The following TUBA3D variants were observed in gnomAD, a reference collection of about 807,000 sequenced individuals.
TUBA3D encodes tubulin alpha 3d.
In TUBA3D, 24 loss-of-function variants were observed where a neutral mutation model predicts 36.1. The observed-to-expected ratio is 0.66, with a 90% confidence interval of 0.48 to 0.93. The LOEUF is 0.93. Ranked by LOEUF, TUBA3D falls within the 40% of genes least tolerant of loss-of-function variation. The pLI is 0.00. For synonymous variants in TUBA3D, 185 were observed against 247.2 expected (o/e 0.75, Z 2.36); for missense variants, 356 against 614.5 (o/e 0.58, Z 4.45).
intron 2 of TUBA3D, chr2:131,478,614 G>A: frequency 1.4e-6 from 1 of 724,320 alleles, no homozygotes; most frequent in Non-Finnish European, 2.2e-6. Flanking sequence ...TTTGCCAGCA[G>A]TAAGATGGGC....
Position 131,480,650 on chromosome 2 carries a change from C to T in TUBA3D, c.957C>T (p.Tyr319=), listed in dbSNP as rs1391615031. The change falls in exon 4 of 5, where the codon TAC becomes TAT. Residue 319 remains tyrosine (Y), a synonymous_variant. Coordinates refer to ENST00000321253, the MANE Select transcript of TUBA3D (RefSeq NM_080386.4). ...AGTACATGGCCTGCTGCATGTTGTA[C>T]AGGGGGGACGTGGTCCCCAAAGACG... The part of the protein sequence containing the change: ...HGKYMACCML[Y]RGDVVPKDVN... 1.2e-6 allele frequency: 2 copies of T among 1,613,684 alleles called. No homozygotes were observed. The highest frequency in any genetic ancestry group is 1.7e-6 in the Non-Finnish European group (2 of 1,180,042).
rs183055682 is a variant in TUBA3D at position 131,476,618 on chromosome 2, C to T, written c.3+416C>T. On this transcript the variant is annotated intron_variant, in intron 1 of 4. Coordinates refer to ENST00000321253, the MANE Select transcript of TUBA3D (RefSeq NM_080386.4). ...AGGAATTAAGGCTCAGACGCTGCTG[C>T]AACATTGCCTTGTTCACCTAAAGGC... Among the ~76,000 whole-genome samples, 873 of 152,262 alleles carry T rather than the reference C, an allele frequency of 5.7e-3. 7 individuals are homozygous for T. Among genetic ancestry groups the T allele is most frequent in the African/African-American group, 0.02 (832 of 41,534 alleles).
chr2:131,478,235 C>T lies in TUBA3D; in HGVS notation c.75C>T (p.Cys25=). 7.4e-6 allele frequency: 12 copies of T among 1,614,104 alleles called. No individual in the cohort carries two copies. The highest frequency in any genetic ancestry group is 9.3e-6 in the Non-Finnish European group (11 of 1,179,940). The change falls in exon 2 of 5, where the codon TGC becomes TGT. Residue 25 remains cysteine, a synonymous_variant. Transcript: ENST00000321253. ...GCAATGCCTGCTGGGAACTGTACTG[C>T]CTTGAACATGGAATTCAGCCCGATG... ...QIGNACWELY[C]LEHGIQPDGQ... is the part of the protein sequence containing the mutation.
Position 131,480,744 on chromosome 2 carries a change from T to C in TUBA3D, c.1051T>C (p.Phe351Leu), listed in dbSNP as rs769470730. 9 of 1,609,772 alleles carry C rather than the reference T, an allele frequency of 5.6e-6. No homozygotes were observed. The highest frequency in any genetic ancestry group is 2.7e-5 in the African/African-American group (2 of 74,568). The change falls in exon 4 of 5, where the codon TTT becomes CTT. Residue 351 changes from phenylalanine to leucine, a missense_variant. Physicochemically the swap from Phe to Leu is conservative, Grantham distance 22. This residue lies in a region of TUBA3D where 156 missense variants were observed against 219.8 expected (regional missense o/e 0.71). Coordinates refer to ENST00000321253, the MANE Select transcript of TUBA3D (RefSeq NM_080386.4). ...IQFVDWCPTG[F>L]KVGINYQPPT... ...GTTTGTGGATTGGTGCCCGACTGGA[T>C]TTAAGGTATGACTGGGTGATGTGGA...
In TUBA3D at chr2:131,476,187, A is replaced by G; in HGVS notation, c.-13A>G. ...TCTGGCAGTAGCGTTGGGCTGAAGC[A>G]GCGGAGTTCGCCATGGTAAGGCCCG... On this transcript the variant is annotated 5_prime_UTR_variant, in exon 1 of 5. Transcript: ENST00000321253. 2 of 1,613,972 alleles carry G rather than the reference A, an allele frequency of 1.2e-6. No homozygotes were observed. Among genetic ancestry groups the G allele is most frequent in the Non-Finnish European group, 1.7e-6 (2 of 1,179,986 alleles).
intron 4 of TUBA3D, among the ~76,000 whole-genome samples, chr2:131,481,223 CTCTG>C (rs1264830979): frequency 1.3e-5 from 2 of 151,720 alleles, no homozygotes; most frequent in Non-Finnish European, 2.9e-5. Flanking sequence ...CTTTTGAACT[CTCTG>C]TCTGAGTCAT....
chr2:131,476,328 G>A, intron 1 of TUBA3D, 126 bp downstream of exon 1: 1 of 1,530,174 alleles, frequency 6.5e-7, no homozygotes, highest in Admixed American at 1.8e-5. Context: ...AGGGTCTAGT[G>A]CGGGACAGGA....
intron 4 of TUBA3D, among the ~76,000 whole-genome samples, chr2:131,481,263 T>C (rs1374017860): frequency 6.6e-6 from 1 of 151,760 alleles, no homozygotes; most frequent in East Asian, 1.9e-4. Context: ...TGGTGAGCTT[T>C]ATTTATTTAT....
intron 4 of TUBA3D, among the ~76,000 whole-genome samples, chr2:131,480,965 G>A (rs1678844082): frequency 6.6e-6 from 1 of 151,668 alleles, no homozygotes; most frequent in Admixed American, 6.6e-5. Flanking sequence ...GTGCAGTGGT[G>A]CGATCTCAGC....
chr2:131,477,794 G>T (rs1039529365), intron 1 of TUBA3D, among the ~76,000 whole-genome samples: 2 of 151,914 alleles, frequency 1.3e-5, no homozygotes, highest in African/African-American at 4.8e-5. Context: ...TACCCAACCC[G>T]ACTACCTTAT....
chr2:131,477,867 A>G (rs1678726023), intron 1 of TUBA3D, among the ~76,000 whole-genome samples: 1 of 152,214 alleles, frequency 6.6e-6, no homozygotes, highest in South Asian at 2.1e-4. Flanking sequence ...GTGACGGGCT[A>G]TAATGTGGGG....
intron 4 of TUBA3D, 61 bp from the exon 5 acceptor site, chr2:131,482,491 A>G: frequency 6.5e-7 from 1 of 1,539,006 alleles, no homozygotes; most frequent in Non-Finnish European, 8.7e-7. Context: ...GAGGAAAAGT[A>G]GCTACCATTT....
Position 131,482,724 on chromosome 2 carries a change from G to C in TUBA3D, c.1229G>C (p.Gly410Ala). The C allele has an allele frequency of 1.2e-6, 2 of 1,614,196 alleles. No homozygotes were observed. The stretch of plus-strand genomic sequence containing the variant: ...CGGGCCTTTGTGCACTGGTACGTGG[G>C]CGAAGGCATGGAAGAGGGAGAGTTC... ...AKRAFVHWYV[G>A]EGMEEGEFSE... The change falls in exon 5 of 5, where the codon GGC (glycine) becomes GCC (alanine). Residue 410 changes from glycine to alanine, a missense_variant. Physicochemically the swap from Gly to Ala is moderately conservative, Grantham distance 60. Around this residue, in one of 3 missense-constraint regions of TUBA3D, gnomAD observed 156 missense variants for 219.8 expected, o/e 0.71. Transcript: ENST00000321253.
At chr2:131,479,992 A>G in intron 3 of TUBA3D, 77 bp from the exon 4 acceptor site, 1 of 1,505,778 alleles carries the variant, frequency 6.6e-7, no homozygotes, top group Non-Finnish European at 8.9e-7. Context: ...AGAGGCAAAG[A>G]GAAGCGGCCC....
rs1454583768 is a variant in TUBA3D at position 131,479,309 on chromosome 2, T to C, written c.228T>C (p.Asp76=). Residue 76 remains aspartate, a splice_region_variant and synonymous_variant, in exon 3 of 5, where the codon GAT becomes GAC. Coordinates refer to ENST00000321253, the MANE Select transcript of TUBA3D (RefSeq NM_080386.4). ...VFVDLEPTVV[D]EVRTGTYRQL... ...CAGCACACACTGTCTCTTTTGCAGA[T>C]GAAGTGCGCACAGGGACCTACAGGC... 3.7e-6 allele frequency: 6 copies of C among 1,613,818 alleles called. No individual in the cohort carries two copies. In the East Asian group the frequency reaches 1.3e-4, roughly 36 times the overall value.
Position 131,478,197 on chromosome 2 carries a change from G to A in TUBA3D, c.37G>A (p.Gly13Ser). The A allele has an allele frequency of 6.2e-7, 1 of 1,614,036 alleles. No homozygotes were observed. Among genetic ancestry groups the A allele is most frequent in the Non-Finnish European group, 8.5e-7 (1 of 1,179,912 alleles). Residue 13 changes from glycine (G) to serine (S), a missense_variant, in exon 2 of 5, where the codon GGT (glycine) becomes AGT (serine). Gly to Ser is a moderately conservative substitution (Grantham distance 56, BLOSUM62 0). Around this residue, in one of 3 missense-constraint regions of TUBA3D, gnomAD observed 109 missense variants for 153.7 expected, o/e 0.71. Coordinates refer to ENST00000321253, the MANE Select transcript of TUBA3D (RefSeq NM_080386.4). ...TATCTCTATCCACGTGGGGCAGGCG[G>A]GTGTCCAGATCGGCAATGCCTGCTG... ...ECISIHVGQA[G>S]VQIGNACWEL...
intron 3 of TUBA3D, 119 bp from the exon 4 acceptor site, chr2:131,479,950 T>C (rs1363647750): frequency 7.3e-7 from 1 of 1,378,734 alleles, no homozygotes; most frequent in African/African-American, 1.5e-5. Flanking sequence ...TGCATGTTTA[T>C]TATGGATGAT....
At chr2:131,478,737 T>G (rs55782974) in intron 2 of TUBA3D, 126,071 of 356,662 alleles carry the variant, frequency 0.35, 27,136 homozygotes, top group East Asian at 0.74. Context: ...GCTGGTGCAC[T>G]AGAGTCTTGA....
At position 131,480,478 on chromosome 2, in the gene TUBA3D, AC is replaced by A. The variant is rs1473522105; in HGVS notation, c.790del (p.Arg264AlafsTer115). 1.9e-6 allele frequency: 3 copies of A among 1,587,826 alleles called. No individual in the cohort carries two copies. Among genetic ancestry groups the A allele is most frequent in the Non-Finnish European group, 2.6e-6 (3 of 1,171,432 alleles). On this transcript the variant is annotated frameshift_variant, in exon 4 of 5. Transcript: ENST00000321253. LOFTEE classifies it high-confidence loss of function. ...LTEFQTNLVP[Y>X]PRIHFPLATY... ...GAATTCCAGACCAACCTAGTGCCGTACCCCCGCATCCACTTCCCCCTGGCCA... is the reference window on the plus strand; with the variant it reads ...GAATTCCAGACCAACCTAGTGCCGTACCCCGCATCCACTTCCCCCTGGCCA...
Sources: allele counts gnomAD v4.1 joint callset (sites outside exome capture counted in the v4.1 genomes callset), GRCh38; gene constraint gnomAD v4.1.1; regional missense constraint gnomAD v4.1.1; transcripts MANE v1.5; gene names NCBI Gene and HGNC (gene_info 2026-07-23, HGNC 2026-07-21).